CINP: variants seen among roughly 807,000 people sequenced by gnomAD.
CINP encodes the protein cyclin-dependent kinase 2-interacting protein.
In CINP, 11 loss-of-function variants were observed where a neutral mutation model predicts 20.5. The observed-to-expected ratio is 0.54, with a 90% CI of 0.34 to 0.89. CINP has a LOEUF of 0.89. Among genes scored for constraint, CINP ranks in the 40% least tolerant of loss-of-function variants. CINP has a pLI of 0.02. For synonymous variants in CINP, 108 were observed against 102.1 expected, an observed-to-expected ratio of 1.06 and a Z score of -0.35; for missense variants, 213 against 251.0, an observed-to-expected ratio of 0.85 and a Z score of 1.02.
In CINP at chr14:102,348,624, T is replaced by A; in HGVS notation, c.572A>T (p.Tyr191Phe). 6.2e-7 allele frequency: 1 copy of A among 1,614,018 alleles called. No individual in the cohort carries two copies. The highest frequency in any genetic ancestry group is 8.5e-7 in the Non-Finnish European group (1 of 1,179,958). Residue 191 changes from tyrosine to phenylalanine, a missense_variant, in exon 5 of 5, where the codon TAT becomes TTT. Physicochemically the swap from Tyr to Phe is conservative, Grantham distance 22. Transcript: ENST00000216756. ...SYLSMWLHQP[Y>F]VESDSRLHLE... ...ATGCAGCCTGCTGTCGCTCTCCACA[T>A]AGGGCTGGTGCAGCCACATGGACAG...
At chr14:102,352,060 G>T (rs1886881870) in intron 3 of CINP, among the ~76,000 whole-genome samples, 1 of 151,926 alleles carries the variant, frequency 6.6e-6, no homozygotes, top group Admixed American at 6.6e-5. Flanking sequence ...AATTTTTTTG[G>T]TACTTTTAGC....
intron 4 of CINP, among the ~76,000 whole-genome samples, chr14:102,349,614 T>TC (rs891118013): frequency 2.6e-5 from 4 of 151,792 alleles, no homozygotes; most frequent in African/African-American, 7.3e-5. Context: ...TTTCTTCCTT[T>TC]CCCCCCCTCA....
chr14:102,350,069 A>G lies in CINP; in HGVS notation c.307-21T>C, dbSNP rs1209292537. 2.5e-6 allele frequency: 4 copies of G among 1,592,084 alleles called. No homozygotes were observed. The African/African-American group carries it at 5.4e-5, about 22-fold the overall frequency. On this transcript the variant is annotated intron_variant, in intron 3 of 4. Coordinates refer to ENST00000216756, the MANE Select transcript of CINP (RefSeq NM_032630.3). ...TTGGTCTGAAAGATATCCATTTGGA[A>G]TATGATAATATTATTTGAAATCTCC...
chr14:102,354,607 A>G (rs1031516953), intron 3 of CINP, among the ~76,000 whole-genome samples: 11 of 151,864 alleles, frequency 7.2e-5, no homozygotes, highest in Non-Finnish European at 1.6e-4. Context: ...AAATACAACA[A>G]TTAGCTGGGC....
rs766151918 is a variant in CINP at position 102,348,750 on chromosome 14, G to A, written c.446C>T (p.Ser149Leu). Residue 149 changes from serine to leucine, a missense_variant, in exon 5 of 5, where the codon TCG (serine) becomes TTG (leucine). Coordinates refer to ENST00000216756, the MANE Select transcript of CINP (RefSeq NM_032630.3). ...TWPTTHFYEV[S>L]HKLLEMYRKE... ...CCTGTACATCTCCAAGAGCTTATGC[G>A]AAACCTCATCTGAAAGAAACGTGAA... The A allele has an allele frequency of 5.6e-6, 9 of 1,613,242 alleles. No individual in the cohort carries two copies. The highest frequency in any genetic ancestry group is 2.7e-5 in the African/African-American group (2 of 75,044).
In CINP at chr14:102,351,342, C is replaced by T. The variant is rs966105240; in HGVS notation, c.307-1294G>A. ...CTTGTGGGAGACACTAAACCAACCC[C>T]ACTGCACACACCAGGCAGCACAGAA... is the stretch of plus-strand genomic sequence containing the variant. On this transcript the variant is annotated intron_variant, in intron 3 of 4. Transcript: ENST00000216756. The surrounding 1 kb of genome is among the most constrained non-coding windows in gnomAD (Gnocchi z 4.2). Among the ~76,000 whole-genome samples, 1 of 152,188 alleles carries T rather than the reference C, an allele frequency of 6.6e-6. No individual in the cohort carries two copies. The highest frequency in any genetic ancestry group is 2.4e-5 in the African/African-American group (1 of 41,438).
At chr14:102,361,361 C>T (rs1188470576) in intron 1 of CINP, among the ~76,000 whole-genome samples, 2 of 152,106 alleles carry the variant, frequency 1.3e-5, no homozygotes, top group African/African-American at 2.4e-5. Context: ...GAAGTTGGAC[C>T]GAGGGCAGTG....
intron 4 of CINP, 48 bp from the exon 5 acceptor site, chr14:102,348,807 G>A (rs780425125): frequency 2.6e-6 from 4 of 1,541,544 alleles, no homozygotes; most frequent in Non-Finnish European, 3.5e-6. Context: ...CAAGAACATA[G>A]TGTCGACTTG....
chr14:102,358,450 G>A (rs1887047096), intron 2 of CINP, among the ~76,000 whole-genome samples: 3 of 152,210 alleles, frequency 2.0e-5, no homozygotes, highest in South Asian at 2.1e-4. Flanking sequence ...GGAGGCCAAG[G>A]TGGGCAGATC....
chr14:102,349,796 C>T (rs1413959238), intron 4 of CINP, 123 bp downstream of exon 4: 1 of 1,189,452 alleles, frequency 8.4e-7, no homozygotes, highest in African/African-American at 1.5e-5. Context: ...CTCCTTTCCT[C>T]CCGATACTTT....
intron 2 of CINP, among the ~76,000 whole-genome samples, chr14:102,357,968 G>T (rs1448227572): frequency 6.6e-6 from 1 of 152,218 alleles, no homozygotes; most frequent in Non-Finnish European, 1.5e-5. Context: ...CTTATTAGGG[G>T]ATATTGCAGT....
intron 4 of CINP, among the ~76,000 whole-genome samples, chr14:102,349,480 T>A (rs1341302422): frequency 2.0e-5 from 3 of 152,186 alleles, no homozygotes; most frequent in Non-Finnish European, 4.4e-5. Flanking sequence ...TCATAGAGTT[T>A]ACTGAAGCCA....
chr14:102,348,496 A>G lies in CINP; in HGVS notation c.*61T>C. The G allele has an allele frequency of 6.8e-7, 1 of 1,477,238 alleles. No individual in the cohort carries two copies. The highest frequency in any genetic ancestry group is 9.2e-7 in the Non-Finnish European group (1 of 1,085,846). 91.5% of individuals were successfully genotyped at this position (1,477,238 alleles called of 1,614,324 possible). A position where few individuals can be genotyped will look rare whatever the true frequency, so the allele number is the denominator to read the frequency against. On this transcript the variant is annotated 3_prime_UTR_variant, in exon 5 of 5. Transcript: ENST00000216756. ...ATCCAGGCCTGCGGCACTGGGTCCTAGGCAGACTGTCTGCCTGGTGAGACG... is the reference window on the plus strand; with the variant it reads ...ATCCAGGCCTGCGGCACTGGGTCCTGGGCAGACTGTCTGCCTGGTGAGACG...
intron 3 of CINP, among the ~76,000 whole-genome samples, chr14:102,351,000 A>AT (rs1402956710): frequency 6.6e-6 from 1 of 151,612 alleles, no homozygotes; most frequent in African/African-American, 2.4e-5. Flanking sequence ...TAATTTGTGT[A>AT]TTTTTAGTAG....
At position 102,348,448 on chromosome 14, in the gene CINP, C is replaced by A. The variant is rs201362791; in HGVS notation, c.*109G>T. ...GGTGACAAGCTCTGGCCAGAAGACC[C>A]CAAGGTCTGATCCTGGGGTCTGATC... On this transcript the variant is annotated 3_prime_UTR_variant, in exon 5 of 5. Coordinates refer to ENST00000216756, the MANE Select transcript of CINP (RefSeq NM_032630.3). 1 of 865,728 alleles carries A rather than the reference C, an allele frequency of 1.2e-6. No individual in the cohort carries two copies. 53.6% of individuals were successfully genotyped at this position (865,728 alleles called of 1,614,324 possible).
chr14:102,352,707 G>A (rs1886896723), intron 3 of CINP, among the ~76,000 whole-genome samples: 1 of 151,728 alleles, frequency 6.6e-6, no homozygotes, highest in Non-Finnish European at 1.5e-5. Context: ...GGCCCAGACT[G>A]GAGTGCAGTG....
chr14:102,352,634 CTT>C, intron 3 of CINP: 1 of 432,932 alleles, frequency 2.3e-6, no homozygotes, highest in Admixed American at 2.8e-5. Flanking sequence ...AGAATGAGAA[CTT>C]ATTCCCAAAC....
chr14:102,361,463 C>T (rs528283354), intron 1 of CINP, among the ~76,000 whole-genome samples: 1 of 151,982 alleles, frequency 6.6e-6, no homozygotes, highest in Non-Finnish European at 1.5e-5. Flanking sequence ...CACAGTGAAA[C>T]CTCATCTCTA....
chr14:102,360,316 C>T (rs1887111182), intron 1 of CINP, among the ~76,000 whole-genome samples: 1 of 152,080 alleles, frequency 6.6e-6, no homozygotes, highest in Non-Finnish European at 1.5e-5. Context: ...AAGATGCACC[C>T]GGATCCCACT....
Sources: allele counts gnomAD v4.1 joint callset (sites outside exome capture counted in the v4.1 genomes callset), GRCh38; gene constraint gnomAD v4.1.1; non-coding constraint Gnocchi (gnomAD v3.1); transcripts MANE v1.5; gene names NCBI Gene and HGNC (gene_info 2026-07-23, HGNC 2026-07-21).